Variants in SMIM35 observed in about 807,000 individuals in gnomAD.
The protein encoded by SMIM35 is TMPRSS4 antisense RNA 1 (non-protein coding).
intron 1 of SMIM35, among the ~76,000 whole-genome samples, chr11:118,076,226 C>A (rs3758998): frequency 0.29 from 43,547 of 151,938 alleles, 6,697 homozygotes; most frequent in Non-Finnish European, 0.35. Context: ...GAGCCAAGAT[C>A]GCGCCACTGC....
intron 1 of SMIM35, among the ~76,000 whole-genome samples, chr11:118,081,518 G>A (rs558635913): frequency 1.3e-3 from 194 of 152,344 alleles, no homozygotes; most frequent in African/African-American, 3.7e-3. Flanking sequence ...CATAATCCAC[G>A]TGCAACCAGA....
intron 1 of SMIM35, among the ~76,000 whole-genome samples, chr11:118,081,729 G>A (rs558966955): frequency 1.5e-4 from 23 of 151,624 alleles, no homozygotes; most frequent in African/African-American, 5.3e-4. Context: ...TGCTGTCTCA[G>A]TTTCTTCCTC....
At chr11:118,081,619 G>T (rs561144509) in intron 1 of SMIM35, among the ~76,000 whole-genome samples, 1 of 152,224 alleles carries the variant, frequency 6.6e-6, no homozygotes, top group Admixed American at 6.5e-5. Context: ...CCTGTCCAGG[G>T]GTGGCAGTCG....
At chr11:118,072,443 G>A (rs1944586485) in intron 1 of SMIM35, among the ~76,000 whole-genome samples, 1 of 152,190 alleles carries the variant, frequency 6.6e-6, no homozygotes, top group Non-Finnish European at 1.5e-5. Flanking sequence ...AGCGGAGATC[G>A]TGACATTGCA....
chr11:118,024,155 C>T (rs2058255133), intron 1 of SMIM35, among the ~76,000 whole-genome samples: 1 of 152,072 alleles, frequency 6.6e-6, no homozygotes, highest in Non-Finnish European at 1.5e-5. Flanking sequence ...TGAGATATGG[C>T]CAACAATTTT....
chr11:118,005,094 C>G lies in SMIM35; in HGVS notation c.*1316G>C, dbSNP rs1353380167. 1.3e-5 allele frequency: 2 copies of G among 152,130 alleles called. No homozygotes were observed. The highest frequency in any genetic ancestry group is 2.9e-5 in the Non-Finnish European group (2 of 68,044). The allele number at this position is 152,130 out of a possible 1,614,324, so 9.4% of individuals were successfully genotyped here. On this transcript the variant is annotated 3_prime_UTR_variant, in exon 5 of 5. Coordinates refer to ENST00000689828, the MANE Select transcript of SMIM35 (RefSeq NM_001394165.1). ...TGGTCACCCCAGCCCTGGAAGTGAC[C>G]CTTGCCCTCCACCTCCCCACATCCC... is the stretch of plus-strand genomic sequence containing the variant.
chr11:118,077,283 G>T, intron 1 of SMIM35: 4 of 1,601,044 alleles, frequency 2.5e-6, no homozygotes, highest in Non-Finnish European at 2.6e-6. Flanking sequence ...CAGGGAGACC[G>T]GGAGGATCAC....
rs1222737064 is a variant in SMIM35, at chr11:118,043,807, A to AC, written c.8-27999_8-27998insG. On this transcript the variant is annotated intron_variant, in intron 1 of 4. Transcript: ENST00000689828. Reference sequence around the variant, plus strand: ...GACAGAGAGAAACTCCATCTCAAAAAAAAAAAAGGAAAAGAAAAAGAAAGT... The same window carrying AC: ...GACAGAGAGAAACTCCATCTCAAAAACAAAAAAAGGAAAAGAAAAAGAAAGT... Among the ~76,000 whole-genome samples the AC allele has an allele frequency of 8.6e-5, 13 of 151,108 alleles. No homozygotes were observed. The East Asian group carries it at 2.5e-3, about 29-fold the overall frequency.
chr11:118,081,311 G>C (rs1945106928), intron 1 of SMIM35, among the ~76,000 whole-genome samples: 1 of 152,190 alleles, frequency 6.6e-6, no homozygotes, highest in Non-Finnish European at 1.5e-5. Context: ...AGCCTGCCCG[G>C]AAACCCTGGT....
intron 1 of SMIM35, among the ~76,000 whole-genome samples, chr11:118,026,717 C>T (rs1052815388): frequency 1.3e-5 from 2 of 152,136 alleles, no homozygotes; most frequent in Middle Eastern, 3.2e-3. Flanking sequence ...CTGTAATCCT[C>T]AGCACTTTGG....
chr11:118,048,739 A>C (rs955671390), intron 1 of SMIM35, among the ~76,000 whole-genome samples: 1 of 151,918 alleles, frequency 6.6e-6, no homozygotes, highest in Non-Finnish European at 1.5e-5. Context: ...GAAAACAAAA[A>C]ACAAAAAACA....
intron 1 of SMIM35, among the ~76,000 whole-genome samples, chr11:118,043,802 C>CA (rs34311391): frequency 0.35 from 36,380 of 104,960 alleles, 5,264 homozygotes; most frequent in Admixed American, 0.38. Context: ...AACTCCATCT[C>CA]AAAAAAAAAA....
At chr11:118,080,671 G>C (rs1945055854) in intron 1 of SMIM35, among the ~76,000 whole-genome samples, 1 of 152,158 alleles carries the variant, frequency 6.6e-6, no homozygotes, top group African/African-American at 2.4e-5. Flanking sequence ...AAGAAATGAG[G>C]AGAGACCAGC....
chr11:118,015,562 T>C (rs1026148601), intron 2 of SMIM35, 131 bp downstream of exon 2: 3 of 396,656 alleles, frequency 7.6e-6, no homozygotes, highest in African/African-American at 6.2e-5. Flanking sequence ...CTTCAACCAC[T>C]GCAACCACCA....
At chr11:118,007,059 G>A (rs1031994868) in intron 4 of SMIM35, among the ~76,000 whole-genome samples, 38 of 152,080 alleles carry the variant, frequency 2.5e-4, no homozygotes, top group Non-Finnish European at 4.7e-4. Context: ...ACACACACAC[G>A]CACACGCACA....
intron 1 of SMIM35, among the ~76,000 whole-genome samples, chr11:118,070,951 C>A (rs577213944): frequency 1.3e-5 from 2 of 152,300 alleles, no homozygotes; most frequent in Admixed American, 6.5e-5. Flanking sequence ...TGGATCTCAA[C>A]CCTGCCTGAG....
chr11:118,019,765 T>C (rs2058210455), intron 1 of SMIM35, among the ~76,000 whole-genome samples: 1 of 152,198 alleles, frequency 6.6e-6, no homozygotes, highest in Non-Finnish European at 1.5e-5. Flanking sequence ...CATTTTTGTA[T>C]ACATTATCTC....
chr11:118,029,810 C>T (rs112570570), intron 1 of SMIM35: 7,658 of 457,026 alleles, frequency 0.017, 117 homozygotes, highest in Non-Finnish European at 0.021. Flanking sequence ...TTTGATACTT[C>T]CAAGTTCTTC....
intron 1 of SMIM35, among the ~76,000 whole-genome samples, chr11:118,064,843 C>T (rs185077391): frequency 1.3e-5 from 2 of 152,280 alleles, no homozygotes; most frequent in Non-Finnish European, 2.9e-5. Context: ...TAGGGTTTCG[C>T]TATATCACCC....
Sources: gnomAD v4.1 joint callset for allele counts (sites outside exome capture counted in the v4.1 genomes callset) on GRCh38, gnomAD v4.1.1 for gene constraint, MANE v1.5 for transcripts, NCBI Gene and HGNC (gene_info 2026-07-23, HGNC 2026-07-21) for gene names.